CHD9: variants seen among roughly 807,000 people sequenced by gnomAD.
CHD9 encodes chromodomain helicase DNA binding protein 9.
A neutral mutation model predicts 316.1 loss-of-function variants in CHD9; 77 were observed. The observed-to-expected ratio is 0.24, with a 90% confidence interval of 0.20 to 0.29. CHD9 has a LOEUF of 0.29. CHD9 is among the 10% of genes least tolerant of loss of function. CHD9 has a pLI of 1.00. For missense variants in CHD9, 2,763 were observed against 3,438.1 expected (o/e 0.80, Z 4.91); for synonymous variants, 1,129 against 1,158.3 (o/e 0.97, Z 0.51).
At chr16:53,304,798 G>A (rs1300439577) in intron 31 of CHD9, among the ~76,000 whole-genome samples, 173 bp downstream of exon 31, 2 of 148,548 alleles carry the variant, frequency 1.3e-5, no homozygotes, top group Non-Finnish European at 3.0e-5. Flanking sequence ...GGGTTCAAGC[G>A]ACTCTCCTGC....
chr16:53,142,083 ATAT>A lies in CHD9; in HGVS notation c.-164-13841_-164-13839del, dbSNP rs2040159890. On this transcript the variant is annotated intron_variant, in intron 1 of 38. Coordinates refer to ENST00000447540, the MANE Select transcript of CHD9 (RefSeq NM_001308319.2). ...ATAAATTTAGATATCATAAAATATG[ATAT>A]TGTTGATTGGTATAACATTTTTAAT... is the stretch of plus-strand genomic sequence containing the variant. Among the ~76,000 whole-genome samples, 4 of 152,224 alleles carry A rather than the reference ATAT, an allele frequency of 2.6e-5. 1 individual carries two copies. The South Asian group carries it at 8.3e-4, about 32-fold the overall frequency.
At chr16:53,110,027 T>C (rs2037735940) in intron 1 of CHD9, among the ~76,000 whole-genome samples, 2 of 152,122 alleles carry the variant, frequency 1.3e-5, no homozygotes, top group Admixed American at 6.6e-5. Flanking sequence ...TCTAGCAACA[T>C]TGAACTCTTA....
chr16:53,193,421 C>T (rs1310801644), intron 2 of CHD9, among the ~76,000 whole-genome samples: 1 of 151,616 alleles, frequency 6.6e-6, no homozygotes, highest in Non-Finnish European at 1.5e-5. Flanking sequence ...TGCACTCCAG[C>T]GTGGGTGACA....
chr16:53,154,291 C>T (rs2041345569), intron 1 of CHD9, among the ~76,000 whole-genome samples: 1 of 152,184 alleles, frequency 6.6e-6, no homozygotes, highest in Non-Finnish European at 1.5e-5. Flanking sequence ...GACTGTTCCT[C>T]AAACCAAACA....
chr16:53,168,076 T>TTTA (rs1400907611), intron 2 of CHD9, among the ~76,000 whole-genome samples: 1 of 150,544 alleles, frequency 6.6e-6, no homozygotes, highest in East Asian at 1.9e-4. Flanking sequence ...TTATTTATTT[T>TTTA]TTTGAGACGG....
intron 1 of CHD9, among the ~76,000 whole-genome samples, chr16:53,142,310 C>T (rs2040184029): frequency 6.6e-6 from 1 of 152,154 alleles, no homozygotes; most frequent in African/African-American, 2.4e-5. Flanking sequence ...TCATGTCACC[C>T]AGGCTGGTCT....
At chr16:53,202,695 T>C (rs1157730995) in intron 2 of CHD9, among the ~76,000 whole-genome samples, 1 of 152,182 alleles carries the variant, frequency 6.6e-6, no homozygotes, top group Non-Finnish European at 1.5e-5. Context: ...TGCCTGGACT[T>C]TTATGTGGAT....
At chr16:53,193,664 G>A (rs1326356182) in intron 2 of CHD9, among the ~76,000 whole-genome samples, 1 of 152,014 alleles carries the variant, frequency 6.6e-6, no homozygotes, top group African/African-American at 2.4e-5. Context: ...TGGGTTTTGA[G>A]ACTTAGTTGT....
At chr16:53,279,036 G>A (rs538068539) in intron 24 of CHD9, among the ~76,000 whole-genome samples, 1 of 152,238 alleles carries the variant, frequency 6.6e-6, no homozygotes, top group East Asian at 1.9e-4. Context: ...TATAAAACAT[G>A]CTGCTATAAA....
rs990552595 is a variant in CHD9 at position 53,288,733 on chromosome 16, C to T, written c.5247+719C>T. On this transcript the variant is annotated intron_variant, in intron 27 of 38. Coordinates refer to ENST00000447540, the MANE Select transcript of CHD9 (RefSeq NM_001308319.2). ...GGCCAGTAATTACTGACAAACAGCA[C>T]GGAGAAATAGCAAGGAAATTTATCT... Among the ~76,000 whole-genome samples, 5 of 151,972 alleles carry T rather than the reference C, an allele frequency of 3.3e-5. No homozygotes were observed. In the South Asian group the frequency reaches 6.2e-4, roughly 19 times the overall value.
At chr16:53,175,690 T>C (rs2043055007) in intron 2 of CHD9, among the ~76,000 whole-genome samples, 1 of 152,234 alleles carries the variant, frequency 6.6e-6, no homozygotes, top group Admixed American at 6.5e-5. Flanking sequence ...AAGGCAAATA[T>C]ACATTTTCAA....
chr16:53,163,396 G>A (rs2042056162), intron 2 of CHD9, among the ~76,000 whole-genome samples: 1 of 152,062 alleles, frequency 6.6e-6, no homozygotes, highest in Non-Finnish European at 1.5e-5. Flanking sequence ...TTTTAGTAGA[G>A]ACAAGGTTTC....
intron 22 of CHD9, among the ~76,000 whole-genome samples, chr16:53,269,006 C>A (rs553670344): frequency 1.1e-4 from 16 of 152,016 alleles, no homozygotes; most frequent in African/African-American, 3.6e-4. Flanking sequence ...AGGGTCCTAC[C>A]ATGTTGCCCA....
chr16:53,185,774 A>T (rs2043946780), intron 2 of CHD9, among the ~76,000 whole-genome samples: 1 of 152,210 alleles, frequency 6.6e-6, no homozygotes, highest in African/African-American at 2.4e-5. Context: ...CCTGGCTAAG[A>T]GGGGCCAACG....
rs35806274 is a variant in CHD9, at chr16:53,127,940, C to CAAA, written c.-164-27969_-164-27967dup. ...CCTGGCCGACAGAGTGAGACTCTGT[C>CAAA]AAAAAAAAAAAAAAAAAAAGCCCTT... On this transcript the variant is annotated intron_variant, in intron 1 of 38. Transcript: ENST00000447540. Among the ~76,000 whole-genome samples, 454 of 77,926 alleles carry CAAA rather than the reference C, an allele frequency of 5.8e-3. 14 individuals are homozygous for CAAA. The highest frequency in any genetic ancestry group is 0.019 in the South Asian group (33 of 1,722). The allele number at this position is 77,926 out of a possible 152,430, so 51.1% of individuals were successfully genotyped here.
intron 2 of CHD9, among the ~76,000 whole-genome samples, chr16:53,206,254 T>C (rs1026669648): frequency 3.3e-5 from 5 of 151,942 alleles, no homozygotes; most frequent in African/African-American, 1.2e-4. Flanking sequence ...CACCTGGCCT[T>C]CTTTTACCTT....
intron 3 of CHD9, among the ~76,000 whole-genome samples, chr16:53,210,276 A>G (rs1012830591): frequency 2.1e-5 from 3 of 145,434 alleles, no homozygotes; most frequent in East Asian, 2.0e-4. Context: ...ACAACTTTGG[A>G]CTGAATGAAA....
At position 53,064,855 on chromosome 16, in the gene CHD9, G is replaced by A. The variant is rs555699981; in HGVS notation, c.-165+9778G>A. 9.8e-5 allele frequency among the ~76,000 whole-genome samples: 15 copies of A among 152,318 alleles called. No homozygotes were observed. The East Asian group carries it at 2.5e-3, about 26-fold the overall frequency. ...CAGGTGGCACATGCCTGTAATCACA[G>A]CTACTTGGGAGGCTGAGGCAGGAGA... is the stretch of plus-strand genomic sequence containing the variant. On this transcript the variant is annotated intron_variant, in intron 1 of 38. Coordinates refer to ENST00000447540, the MANE Select transcript of CHD9 (RefSeq NM_001308319.2).
chr16:53,123,820 A>G (rs1258884886), intron 1 of CHD9, among the ~76,000 whole-genome samples: 1 of 152,166 alleles, frequency 6.6e-6, no homozygotes, highest in Non-Finnish European at 1.5e-5. Context: ...TTAAAATTAA[A>G]CATCTTTGTG....
Sources: allele counts gnomAD v4.1 joint callset (sites outside exome capture counted in the v4.1 genomes callset), GRCh38; gene constraint gnomAD v4.1.1; transcripts MANE v1.5; gene names NCBI Gene and HGNC (gene_info 2026-07-23, HGNC 2026-07-21).